KLHL29: variants seen among roughly 807,000 people sequenced by gnomAD.
KLHL29 encodes kelch like family member 29, also known as kelch-like protein 29.
KLHL29 carries 21 observed loss-of-function variants against 80.4 expected under a neutral mutation model. The ratio of observed to expected loss-of-function variants is 0.26; its 90% CI spans 0.19 to 0.38. The LOEUF is 0.38. Ranked by LOEUF, KLHL29 falls within the 10% of genes least tolerant of loss-of-function variation. The pLI is 1.00. For synonymous variants in KLHL29, 511 were observed against 526.8 expected (o/e 0.97, Z 0.41); for missense variants, 867 against 1,223.9 (o/e 0.71, Z 4.35).
chr2:23,678,280 A>G (rs866599650), intron 5 of KLHL29, among the ~76,000 whole-genome samples: 22 of 152,252 alleles, frequency 1.4e-4, no homozygotes, highest in Admixed American at 2.0e-4. Flanking sequence ...GCATCCACAG[A>G]GCCATTTTAC....
chr2:23,692,543 C>T (rs566871149), intron 7 of KLHL29, among the ~76,000 whole-genome samples: 7 of 152,270 alleles, frequency 4.6e-5, no homozygotes, highest in African/African-American at 1.7e-4. Flanking sequence ...GGGGCAGATC[C>T]GTGAGGACAG....
At chr2:23,597,352 T>C (rs1461240217) in intron 3 of KLHL29, among the ~76,000 whole-genome samples, 1 of 136,588 alleles carries the variant, frequency 7.3e-6, no homozygotes, top group African/African-American at 2.8e-5. Context: ...TGTGTATGTA[T>C]ATGTGTATGT....
At chr2:23,659,077 C>T (rs1321658316) in intron 5 of KLHL29, among the ~76,000 whole-genome samples, 1 of 152,220 alleles carries the variant, frequency 6.6e-6, no homozygotes, top group Non-Finnish European at 1.5e-5. Flanking sequence ...ACCCCCGCTG[C>T]TGACCGATTT....
At position 23,661,487 on chromosome 2, in the gene KLHL29, G is replaced by T. The variant is rs7593191; in HGVS notation, c.940+18637G>T. Among the ~76,000 whole-genome samples, 32 of 152,276 alleles carry T rather than the reference G, an allele frequency of 2.1e-4. No individual in the cohort carries two copies. In the South Asian group the frequency reaches 3.3e-3, roughly 16 times the overall value. On this transcript the variant is annotated intron_variant, in intron 5 of 13. Transcript: ENST00000486442. ...CCTGGCATAGCCTCCCCCTGCGTTC[G>T]TCACAGGGCCAGGCCCCTGCCCTGC...
chr2:23,475,104 A>G (rs562551629), intron 1 of KLHL29, among the ~76,000 whole-genome samples: 35 of 151,968 alleles, frequency 2.3e-4, no homozygotes, highest in African/African-American at 8.4e-4. Context: ...TTGTTTTTGT[A>G]ATTCTAGAGT....
At chr2:23,479,331 T>C (rs535165471) in intron 2 of KLHL29, among the ~76,000 whole-genome samples, 2 of 152,072 alleles carry the variant, frequency 1.3e-5, no homozygotes, top group African/African-American at 4.8e-5. Flanking sequence ...GTCCGTTCCC[T>C]GCCTGGTGCC....
chr2:23,492,452 G>A (rs1423560903), intron 2 of KLHL29, among the ~76,000 whole-genome samples: 3 of 152,170 alleles, frequency 2.0e-5, no homozygotes, highest in Non-Finnish European at 2.9e-5. Flanking sequence ...CAGTCACGTG[G>A]CCCACCCTCC....
intron 1 of KLHL29, among the ~76,000 whole-genome samples, chr2:23,451,822 T>G (rs1261152916): frequency 6.6e-6 from 1 of 152,198 alleles, no homozygotes; most frequent in Non-Finnish European, 1.5e-5. Flanking sequence ...TATAAAGAAG[T>G]ACCTGAAGCT....
chr2:23,438,319 T>C (rs1414297116), intron 1 of KLHL29, among the ~76,000 whole-genome samples: 2 of 151,274 alleles, frequency 1.3e-5, no homozygotes, highest in Non-Finnish European at 2.9e-5. Flanking sequence ...TCCTGCCTAA[T>C]TGCCCTGGCC....
chr2:23,428,231 A>G (rs1231841232), intron 1 of KLHL29, among the ~76,000 whole-genome samples: 2 of 152,208 alleles, frequency 1.3e-5, no homozygotes, highest in South Asian at 2.1e-4. Flanking sequence ...AGGAATCTGC[A>G]TGGGCAGAAA....
At chr2:23,665,750 T>G (rs1670536541) in intron 5 of KLHL29, among the ~76,000 whole-genome samples, 1 of 152,080 alleles carries the variant, frequency 6.6e-6, no homozygotes, top group Admixed American at 6.5e-5. Context: ...CCATGCTTCT[T>G]TAAACAACCA....
intron 1 of KLHL29, among the ~76,000 whole-genome samples, chr2:23,455,008 G>GC (rs1553325760): frequency 3.4e-5 from 5 of 148,742 alleles, no homozygotes; most frequent in Non-Finnish European, 6.0e-5. Context: ...GGTTGGGGGG[G>GC]GGGCATTTAT....
chr2:23,586,604 G>A (rs527832629), intron 3 of KLHL29, among the ~76,000 whole-genome samples: 22 of 151,978 alleles, frequency 1.4e-4, no homozygotes, highest in African/African-American at 3.9e-4. Context: ...CAGGTGATCC[G>A]TCCACCTGGG....
At chr2:23,599,701 A>G (rs902418878) in intron 3 of KLHL29, among the ~76,000 whole-genome samples, 6 of 152,178 alleles carry the variant, frequency 3.9e-5, no homozygotes, top group African/African-American at 9.6e-5. Flanking sequence ...TTGGCACTCA[A>G]TAGCATGCAT....
chr2:23,567,445 GAA>G (rs1667614606), intron 3 of KLHL29, among the ~76,000 whole-genome samples: 8 of 152,232 alleles, frequency 5.3e-5, no homozygotes, highest in Admixed American at 5.2e-4. Context: ...AAGGGGCTAT[GAA>G]ATCTGCAGGC....
chr2:23,699,165 C>CAG (rs1281474565), intron 11 of KLHL29, among the ~76,000 whole-genome samples: 1 of 152,224 alleles, frequency 6.6e-6, no homozygotes, highest in Non-Finnish European at 1.5e-5. Flanking sequence ...CGCTCAGAGG[C>CAG]AGAGGCACGG....
At chr2:23,582,369 GTATTAT>G (rs965739690) in intron 3 of KLHL29, among the ~76,000 whole-genome samples, 4 of 152,124 alleles carry the variant, frequency 2.6e-5, no homozygotes, top group African/African-American at 9.7e-5. Context: ...ACACTCAGAT[GTATTAT>G]TATTATTATT....
rs907937957 is a variant in KLHL29 at position 23,696,251 on chromosome 2, C to T, written c.1925-82C>T. 5.3e-6 allele frequency: 8 copies of T among 1,495,490 alleles called. No homozygotes were observed. Among genetic ancestry groups the T allele is most frequent in the Admixed American group, 4.0e-5 (2 of 49,686 alleles). 92.6% of individuals were successfully genotyped at this position (1,495,490 alleles called of 1,614,324 possible). A position where few individuals can be genotyped will look rare whatever the true frequency, so the allele number is the denominator to read the frequency against. On this transcript the variant is annotated intron_variant, in intron 10 of 13. Transcript: ENST00000486442. The surrounding 1 kb of genome is among the most constrained non-coding windows in gnomAD (Gnocchi z 5.5). ...GTGTCTACTTTGCAGGTGAAGCCTT[C>T]CTCTGCCCCTGGGGCTGGGCCTGCT...
At chr2:23,528,758 C>T (rs1280102127) in intron 2 of KLHL29, among the ~76,000 whole-genome samples, 4 of 152,328 alleles carry the variant, frequency 2.6e-5, no homozygotes, top group East Asian at 3.9e-4. Context: ...TTTGGACACA[C>T]GTATTTACTT....
Sources: allele counts gnomAD v4.1 joint callset (sites outside exome capture counted in the v4.1 genomes callset), GRCh38; gene constraint gnomAD v4.1.1; non-coding constraint Gnocchi (gnomAD v3.1); transcripts MANE v1.5; gene names NCBI Gene and HGNC (gene_info 2026-07-23, HGNC 2026-07-21).